The following CC2D1B variants were observed in gnomAD, a reference collection of about 807,000 sequenced individuals.
CC2D1B encodes coiled-coil and C2 domain containing 1B.
CC2D1B carries 92 observed loss-of-function variants against 110.8 expected under a neutral mutation model. The observed-to-expected ratio is 0.83, with a 90% CI of 0.70 to 0.99. CC2D1B has a LOEUF of 0.99. Among genes scored for constraint, CC2D1B ranks in the 50% least tolerant of loss-of-function variants. CC2D1B has a pLI of 0.00. For synonymous variants in CC2D1B, 406 were observed against 429.2 expected (o/e 0.95, Z 0.67); for missense variants, 1,136 against 1,089.0 (o/e 1.04, Z -0.61).
rs746544898 is a variant in CC2D1B, at chr1:52,357,603, C to T, written c.1675G>A (p.Ala559Thr). Reference sequence around the variant, plus strand: ...AGCCATTTGGCTACCCGCAGATAGGCTTTGGCCTGCTCCAGGTCCTGGCTG... The same window carrying T: ...AGCCATTTGGCTACCCGCAGATAGGTTTTGGCCTGCTCCAGGTCCTGGCTG... ...KRSQDLEQAK[A>T]YLRVAKWLEA... The change falls in exon 15 of 25, where the codon GCC (alanine) becomes ACC (threonine). Residue 559 changes from alanine to threonine, a missense_variant. Transcript: ENST00000284376. The T allele has an allele frequency of 1.0e-5, 16 of 1,588,568 alleles. No individual in the cohort carries two copies. Among genetic ancestry groups the T allele is most frequent in the Non-Finnish European group, 1.2e-5 (14 of 1,166,654 alleles).
rs1428855363 is a variant in CC2D1B, at chr1:52,357,864, T to C, written c.1496A>G (p.Lys499Arg). The C allele has an allele frequency of 6.3e-7, 1 of 1,583,760 alleles. No individual in the cohort carries two copies. Among genetic ancestry groups the C allele is most frequent in the Non-Finnish European group, 8.6e-7 (1 of 1,167,334 alleles). ...EPPAQAPVAKKPARPTVPSSQ... is the reference protein window; with the variant it reads ...EPPAQAPVAKRPARPTVPSSQ... ...TGAAGGGACTGTGGGCCGTGCAGGT[T>C]TCTTGGCCACTGGGGCCTGTGCTGG... The change falls in exon 14 of 25, where the codon AAA (lysine) becomes AGA (arginine). Residue 499 changes from lysine (K) to arginine (R), a missense_variant. Coordinates refer to ENST00000284376, the MANE Select transcript of CC2D1B (RefSeq NM_001330585.2).
intron 18 of CC2D1B, 66 bp from the exon 19 acceptor site, chr1:52,355,910 G>T: frequency 6.6e-7 from 1 of 1,519,710 alleles, no homozygotes; most frequent in Non-Finnish European, 9.1e-7. Flanking sequence ...AGGTCCCTTC[G>T]TCCAGGGCCT....
intron 11 of CC2D1B, 65 bp downstream of exon 11, chr1:52,358,962 G>T: frequency 6.3e-7 from 1 of 1,585,906 alleles, no homozygotes; most frequent in South Asian, 1.1e-5. Flanking sequence ...GGAGGACCAG[G>T]GAGACAGAGC....
In CC2D1B at chr1:52,351,195, G is replaced by A. The variant is rs867314212; in HGVS notation, c.*2030C>T. 4 of 152,198 alleles carry A rather than the reference G, an allele frequency of 2.6e-5. No individual in the cohort carries two copies. In the South Asian group the frequency reaches 6.2e-4, roughly 24 times the overall value. The allele number at this position is 152,198 out of a possible 1,614,324, so 9.4% of individuals were successfully genotyped here. On this transcript the variant is annotated 3_prime_UTR_variant, in exon 25 of 25. Coordinates refer to ENST00000284376, the MANE Select transcript of CC2D1B (RefSeq NM_001330585.2). ...CTGGTGGGAGGCTTTGTCTTGCCTCGTCAGCCTGGAGGTTCTGTTTTGAAA... is the reference window on the plus strand; with the variant it reads ...CTGGTGGGAGGCTTTGTCTTGCCTCATCAGCCTGGAGGTTCTGTTTTGAAA...
chr1:52,356,470 C>T (rs377596673), intron 16 of CC2D1B, 28 bp from the exon 17 acceptor site: 19 of 1,613,594 alleles, frequency 1.2e-5, no homozygotes, highest in African/African-American at 2.7e-5. Context: ...GAGTGACTCC[C>T]GAGCCCAGAG....
chr1:52,358,994 G>A (rs1362324286), intron 11 of CC2D1B, 33 bp downstream of exon 11: 2 of 1,598,776 alleles, frequency 1.3e-6, no homozygotes, highest in Non-Finnish European at 8.5e-7. Flanking sequence ...GAAGAGGCCA[G>A]CACAGGCAGG....
At chr1:52,355,532 G>T in intron 20 of CC2D1B, 76 bp downstream of exon 20, 3 of 1,599,900 alleles carry the variant, frequency 1.9e-6, no homozygotes, top group Non-Finnish European at 2.6e-6. Context: ...ACCTCCCAGG[G>T]ATGGGAAGAA....
At chr1:52,354,797 C>G (rs754486502) in intron 22 of CC2D1B, 43 bp downstream of exon 22, 1 of 1,604,820 alleles carries the variant, frequency 6.2e-7, no homozygotes, top group South Asian at 1.1e-5. Flanking sequence ...ACGCTCTTCC[C>G]TCCTCCCGGC....
intron 7 of CC2D1B, 60 bp from the exon 8 acceptor site, chr1:52,359,943 G>T: frequency 6.4e-7 from 1 of 1,569,248 alleles, no homozygotes. Flanking sequence ...AGGTGCCCAC[G>T]GACTTCACTG....
At position 52,356,994 on chromosome 1, in the gene CC2D1B, T is replaced by C. The variant is rs1646666651; in HGVS notation, c.1878+7A>G. On this transcript the variant is annotated splice_region_variant and intron_variant, in intron 16 of 24. Coordinates refer to ENST00000284376, the MANE Select transcript of CC2D1B (RefSeq NM_001330585.2). ...AGAGGGGAGGAACAGACGAGGGGCC[T>C]GCTGACCTCTTGTTGCTCCAGAAGC... 2 of 1,551,390 alleles carry C rather than the reference T, an allele frequency of 1.3e-6. No individual in the cohort carries two copies.
intron 16 of CC2D1B, chr1:52,356,798 C>T (rs756260522): frequency 1.5e-4 from 94 of 617,874 alleles, no homozygotes; most frequent in Non-Finnish European, 2.3e-4. Flanking sequence ...TTGTTTGTAC[C>T]ACCCTGAAAG....
chr1:52,361,655 A>AATC (rs1646785918), intron 3 of CC2D1B, 39 bp from the exon 4 acceptor site: 1 of 1,612,854 alleles, frequency 6.2e-7, no homozygotes, highest in Admixed American at 1.7e-5. Flanking sequence ...CACAACTCAG[A>AATC]TAAGTTCAGG....
In CC2D1B at chr1:52,364,590, G is replaced by A; in HGVS notation, c.31C>T (p.Pro11Ser). ...GCCACCCCTTGGCCTCTGGCCTGAG[G>A]GCCCTTCCGAGGTCTTGGCCCTGGC... The part of the protein sequence containing the change: MMPGPRPRKG[P>S]QARGQGVAAA... Residue 11 changes from proline to serine, a missense_variant, in exon 2 of 25, where the codon CCT (proline) becomes TCT (serine). By Grantham distance (74) the Pro-to-Ser change is moderately conservative (BLOSUM62 -1). Transcript: ENST00000284376. The A allele has an allele frequency of 6.2e-7, 1 of 1,607,616 alleles. No individual in the cohort carries two copies. Among genetic ancestry groups the A allele is most frequent in the Admixed American group, 1.7e-5 (1 of 59,876 alleles).
At position 52,359,355 on chromosome 1, in the gene CC2D1B, G is replaced by A. The variant is rs372493949; in HGVS notation, c.1021C>T (p.Leu341=). The change falls in exon 10 of 25, where the codon CTG becomes TTG. Residue 341 remains leucine, a splice_region_variant and synonymous_variant. Transcript: ENST00000284376. ...GCCTGAGAAGCCTGCTGGGGCTTCA[G>A]ATCTGGGGGACCCAGAGTAGAGGTG... The part of the protein sequence containing the change: ...LSAMPPAPED[L]KPQQASQAPT... 1 of 1,613,466 alleles carries A rather than the reference G, an allele frequency of 6.2e-7. No homozygotes were observed. The highest frequency in any genetic ancestry group is 8.5e-7 in the Non-Finnish European group (1 of 1,179,864).
intron 22 of CC2D1B, 63 bp downstream of exon 22, chr1:52,354,777 G>A (rs534008580): frequency 2.2e-5 from 35 of 1,596,680 alleles, no homozygotes; most frequent in Non-Finnish European, 2.7e-5. Context: ...TGCAGGGGCA[G>A]CAGTGACAAA....
chr1:52,356,156 TG>T, intron 18 of CC2D1B, 29 bp downstream of exon 18: 1 of 1,563,418 alleles, frequency 6.4e-7, no homozygotes, highest in Non-Finnish European at 8.8e-7. Flanking sequence ...CCTCCCTGCC[TG>T]GAGCCCCTGT....
chr1:52,358,095 G>C lies in CC2D1B; in HGVS notation c.1462-197C>G, dbSNP rs75707482. On this transcript the variant is annotated intron_variant, in intron 13 of 24. Transcript: ENST00000284376. The stretch of plus-strand genomic sequence containing the variant: ...GCTCTCACATCTAACCTCCCCAGCA[G>C]GAGAGAGACTGCAGGGTAATGGGGA... The C allele has an allele frequency of 3.1e-4, 282 of 916,112 alleles. 1 individual carries two copies. The African/African-American group carries it at 4.4e-3, about 14-fold the overall frequency. 56.7% of individuals were successfully genotyped at this position (916,112 alleles called of 1,614,324 possible).
chr1:52,357,631 C>T lies in CC2D1B; in HGVS notation c.1647G>A (p.Lys549=). The T allele has an allele frequency of 6.3e-7, 1 of 1,594,342 alleles. No individual in the cohort carries two copies. The highest frequency in any genetic ancestry group is 8.5e-7 in the Non-Finnish European group (1 of 1,169,982). ...TGGCCTGCTCCAGGTCCTGGCTGCG[C>T]TTGGCCTGCAGGGCTGCCCGCTGAT... ...LQYQRAALQA[K]RSQDLEQAKA... The change falls in exon 15 of 25, where the codon AAG becomes AAA. Residue 549 remains lysine, a synonymous_variant. Transcript: ENST00000284376.
intron 15 of CC2D1B, 142 bp from the exon 16 acceptor site, chr1:52,357,268 C>G: frequency 1.9e-6 from 2 of 1,054,296 alleles, no homozygotes; most frequent in Non-Finnish European, 2.8e-6. Flanking sequence ...CCCATTCTAT[C>G]CCAAAATAAC....
Sources: gnomAD v4.1 joint callset for allele counts on GRCh38, gnomAD v4.1.1 for gene constraint, MANE v1.5 for transcripts, NCBI Gene and HGNC (gene_info 2026-07-23, HGNC 2026-07-21) for gene names.